BAZ2B: variants seen among roughly 807,000 people sequenced by gnomAD.
BAZ2B encodes the protein bromodomain adjacent to zinc finger domain 2B, also known as bromodomain adjacent to zinc finger domain protein 2B.
A neutral mutation model predicts 246.0 loss-of-function variants in BAZ2B; 91 were observed. The observed-to-expected ratio is 0.37, with a 90% CI of 0.31 to 0.44. The LOEUF is 0.44. Ranked by LOEUF, BAZ2B falls within the 20% of genes least tolerant of loss-of-function variation. The pLI is 1.00. For missense variants in BAZ2B, 2,332 were observed against 2,533.7 expected, an observed-to-expected ratio of 0.92 and a Z score of 1.71; for synonymous variants, 855 against 860.0, an observed-to-expected ratio of 0.99 and a Z score of 0.10.
At chr2:159,507,587 G>A (rs1038423800) in intron 2 of BAZ2B, among the ~76,000 whole-genome samples, 1 of 151,922 alleles carries the variant, frequency 6.6e-6, no homozygotes, top group African/African-American at 2.4e-5. Flanking sequence ...ATATGACTTC[G>A]GAAAATTTGA....
chr2:159,615,539 G>C (rs958360385), intron 1 of BAZ2B: 1 of 152,132 alleles, frequency 6.6e-6, no homozygotes, highest in Non-Finnish European at 1.5e-5. Context: ...CTACACACGG[G>C]AGAGCTAGAG....
chr2:159,687,769 T>C, the BAZ2B span, among the ~76,000 whole-genome samples: 3 of 152,306 alleles, frequency 2.0e-5, no homozygotes, highest in South Asian at 6.2e-4. Flanking sequence ...TCAGAAGTAC[T>C]GGAGAACTGG....
At chr2:159,554,670 C>T (rs975302909) in intron 2 of BAZ2B, among the ~76,000 whole-genome samples, 3 of 151,654 alleles carry the variant, frequency 2.0e-5, no homozygotes, top group Non-Finnish European at 4.4e-5. Flanking sequence ...ATAATTAATG[C>T]TTCTGGATTT....
At chr2:159,551,233 G>C (rs1457355303) in intron 2 of BAZ2B, among the ~76,000 whole-genome samples, 2 of 152,138 alleles carry the variant, frequency 1.3e-5, no homozygotes, top group Non-Finnish European at 2.9e-5. Flanking sequence ...ACTTTGGGAG[G>C]CCGAGGTGGG....
In BAZ2B at chr2:159,349,829, G is replaced by C. The variant is rs774684049; in HGVS notation, c.4742C>G (p.Ala1581Gly). The C allele has an allele frequency of 1.2e-6, 2 of 1,614,202 alleles. No homozygotes were observed. The highest frequency in any genetic ancestry group is 1.1e-5 in the South Asian group (1 of 91,086). Residue 1581 changes from alanine (A) to glycine (G), a missense_variant, in exon 28 of 37, where the codon GCT (alanine) becomes GGT (glycine). Physicochemically the swap from Ala to Gly is moderately conservative, Grantham distance 60. Coordinates refer to ENST00000392783, the MANE Select transcript of BAZ2B (RefSeq NM_013450.4). ...TSLTHADMST[A>G]SLVTPQSQPP... ...CTGAGACTGAGGAGTCACCAAAGAA[G>C]CAGTTGACATATCGGCATGAGTAAG...
At chr2:159,648,559 T>C in the BAZ2B span, among the ~76,000 whole-genome samples, 1 of 152,220 alleles carries the variant, frequency 6.6e-6, no homozygotes, top group South Asian at 2.1e-4. Context: ...GAAGTTCATA[T>C]AAATAAGATC....
Position 159,378,646 on chromosome 2 carries a change from T to C in BAZ2B, c.4006-3893A>G, listed in dbSNP as rs576807787. ...TTTTAAAAATGGCAAAGAACCTGAATAGACATTTTTGCAGTGAAGACATAC... is the reference window on the plus strand; with the variant it reads ...TTTTAAAAATGGCAAAGAACCTGAACAGACATTTTTGCAGTGAAGACATAC... On this transcript the variant is annotated intron_variant, in intron 25 of 36. Transcript: ENST00000392783. 2.6e-5 allele frequency among the ~76,000 whole-genome samples: 4 copies of C among 152,194 alleles called. No individual in the cohort carries two copies. The East Asian group carries it at 7.7e-4, about 29-fold the overall frequency.
At chr2:159,416,438 C>T (rs1422262795) in intron 13 of BAZ2B, among the ~76,000 whole-genome samples, 1 of 152,070 alleles carries the variant, frequency 6.6e-6, no homozygotes, top group Non-Finnish European at 1.5e-5. Flanking sequence ...TTATTATGTT[C>T]TTAAGCACCA....
chr2:159,443,208 T>G (rs770724647), intron 6 of BAZ2B, among the ~76,000 whole-genome samples: 1 of 152,230 alleles, frequency 6.6e-6, no homozygotes. Context: ...TTTTGGTTGT[T>G]GTGGTAAGAA....
the BAZ2B span, among the ~76,000 whole-genome samples, chr2:159,708,812 T>A: frequency 6.6e-6 from 1 of 152,076 alleles, no homozygotes; most frequent in South Asian, 2.1e-4. Flanking sequence ...TCCTCCTGAC[T>A]CAGCCTCTCA....
intron 36 of BAZ2B, among the ~76,000 whole-genome samples, chr2:159,323,801 CAA>C (rs70994291): frequency 1.5e-4 from 19 of 127,490 alleles, no homozygotes; most frequent in East Asian, 2.5e-4. Flanking sequence ...GAAACTCTCT[CAA>C]AAAAAAAAAA....
At chr2:159,498,985 A>G (rs2081431425) in intron 2 of BAZ2B, among the ~76,000 whole-genome samples, 1 of 152,098 alleles carries the variant, frequency 6.6e-6, no homozygotes, top group South Asian at 2.1e-4. Context: ...ACCTAACAGG[A>G]GGCATGCTAC....
intron 1 of BAZ2B, among the ~76,000 whole-genome samples, chr2:159,580,456 G>A (rs1430081085): frequency 6.6e-6 from 1 of 152,118 alleles, no homozygotes; most frequent in Non-Finnish European, 1.5e-5. Flanking sequence ...CTCATGGATA[G>A]GAAGAACCAA....
intron 1 of BAZ2B, among the ~76,000 whole-genome samples, chr2:159,578,315 A>C (rs964457049): frequency 5.9e-5 from 9 of 152,318 alleles, no homozygotes; most frequent in Non-Finnish European, 1.2e-4. Context: ...ACTCTTTGAA[A>C]AATTCACAGT....
intron 17 of BAZ2B, among the ~76,000 whole-genome samples, chr2:159,399,935 A>T (rs1459755280): frequency 6.6e-6 from 1 of 152,252 alleles, no homozygotes; most frequent in Non-Finnish European, 1.5e-5. Context: ...TATTTTCAAC[A>T]TCAGTTATAC....
At chr2:159,710,240 A>C in the BAZ2B span, among the ~76,000 whole-genome samples, 2 of 140,396 alleles carry the variant, frequency 1.4e-5, no homozygotes, top group Admixed American at 7.4e-5. Flanking sequence ...ATGGAGTTTC[A>C]CTCTGTTGCC....
the BAZ2B span, among the ~76,000 whole-genome samples, chr2:159,659,421 T>G: frequency 6.6e-6 from 1 of 152,238 alleles, no homozygotes; most frequent in East Asian, 1.9e-4. Flanking sequence ...ATGTGTAGTT[T>G]GCTAGTTAGC....
In BAZ2B at chr2:159,564,989, G is replaced by C. The variant is rs147832946; in HGVS notation, c.-45-9124C>G. ...GGGTTCAAGTGATTCTCCCACCTCA[G>C]CCTCCCAAGTAGCTGGGATTAGAAG... On this transcript the variant is annotated intron_variant, in intron 1 of 36. Coordinates refer to ENST00000392783, the MANE Select transcript of BAZ2B (RefSeq NM_013450.4). Among the ~76,000 whole-genome samples, 20 of 152,254 alleles carry C rather than the reference G, an allele frequency of 1.3e-4. No homozygotes were observed. The East Asian group carries it at 3.9e-3, about 29-fold the overall frequency.
chr2:159,482,450 T>A (rs1202742835), intron 2 of BAZ2B, among the ~76,000 whole-genome samples: 1 of 152,174 alleles, frequency 6.6e-6, no homozygotes, highest in African/African-American at 2.4e-5. Context: ...TTAATACTTG[T>A]TAGCTATTGT....
Sources: gnomAD v4.1 joint callset for allele counts (sites outside exome capture counted in the v4.1 genomes callset) on GRCh38, gnomAD v4.1.1 for gene constraint, MANE v1.5 for transcripts, NCBI Gene and HGNC (gene_info 2026-07-23, HGNC 2026-07-21) for gene names.